STOX1: variants seen among roughly 807,000 people sequenced by gnomAD.
STOX1 encodes the protein storkhead box 1, also known as storkhead-box protein 1.
A neutral mutation model predicts 74.8 loss-of-function variants in STOX1; 57 were observed. The observed-to-expected ratio is 0.76, with a 90% CI of 0.62 to 0.95. The LOEUF is 0.95. STOX1 is among the 40% of genes least tolerant of loss of function. The probability of loss-of-function intolerance (pLI) is 0.00; values close to 1 mark genes in which losing one functional copy is unlikely to be tolerated. For synonymous variants in STOX1, 375 were observed against 401.3 expected, an observed-to-expected ratio of 0.93 and a Z score of 0.78; for missense variants, 1,010 against 1,117.0, an observed-to-expected ratio of 0.90 and a Z score of 1.37.
intron 1 of STOX1, among the ~76,000 whole-genome samples, chr10:68,854,343 G>A (rs992492750): frequency 2.0e-5 from 3 of 151,888 alleles, no homozygotes; most frequent in African/African-American, 7.3e-5. Context: ...CCAGGCTGGA[G>A]TCTATTGGTG....
At chr10:68,874,333 C>G (rs371695139) in intron 1 of STOX1, among the ~76,000 whole-genome samples, 4 of 152,094 alleles carry the variant, frequency 2.6e-5, no homozygotes, top group African/African-American at 9.7e-5. Context: ...GTTCTTTGTT[C>G]TAAATTTCTT....
Position 68,885,836 on chromosome 10 carries a change from T to A in STOX1, c.2040T>A (p.Pro680=). Residue 680 remains proline, a synonymous_variant, in exon 3 of 4, where the codon CCT becomes CCA. Coordinates refer to ENST00000298596, the MANE Select transcript of STOX1 (RefSeq NM_152709.5). ...GLLDYPVGVN[P]LRQAARQDKD... ...TGGATTACCCAGTTGGCGTGAACCC[T>A]TTAAGACAAGCTGCAAGACAAGACA... The A allele has an allele frequency of 6.2e-7, 1 of 1,614,004 alleles. No individual in the cohort carries two copies. Among genetic ancestry groups the A allele is most frequent in the Non-Finnish European group, 8.5e-7 (1 of 1,180,012 alleles).
intron 1 of STOX1, among the ~76,000 whole-genome samples, chr10:68,850,973 A>G (rs1289798927): frequency 6.6e-6 from 1 of 151,902 alleles, no homozygotes; most frequent in Non-Finnish European, 1.5e-5. Flanking sequence ...CCGTGTCTCA[A>G]GAAAAAAATT....
intron 1 of STOX1, among the ~76,000 whole-genome samples, chr10:68,854,421 C>T (rs933431206): frequency 5.3e-5 from 8 of 151,970 alleles, no homozygotes; most frequent in East Asian, 3.9e-4. Context: ...CTCAGCCTCC[C>T]GAGTAGCTGG....
chr10:68,840,915 G>A (rs1187636361), intron 1 of STOX1, among the ~76,000 whole-genome samples: 2 of 151,134 alleles, frequency 1.3e-5, no homozygotes, highest in African/African-American at 4.9e-5. Flanking sequence ...GTGTGTGTAC[G>A]TGCACACATG....
Position 68,884,468 on chromosome 10 carries a change from G to A in STOX1, c.672G>A (p.Met224Ile). Residue 224 changes from methionine (M) to isoleucine (I), a missense_variant, in exon 3 of 4, where the codon ATG becomes ATA. Transcript: ENST00000298596. ...CTTCCATGACATATCTGGTGAGCAT[G>A]GAGAGCTGTGCAGAGTCAGCCCAAG... Reference protein sequence around the residue: ...MPASMTYLVSMESCAESAQEN... With the variant: ...MPASMTYLVSIESCAESAQEN... The A allele has an allele frequency of 1.2e-6, 2 of 1,613,836 alleles. No homozygotes were observed. The highest frequency in any genetic ancestry group is 1.7e-6 in the Non-Finnish European group (2 of 1,180,012).
intron 1 of STOX1, among the ~76,000 whole-genome samples, chr10:68,832,657 G>A (rs1203790543): frequency 1.1e-5 from 1 of 88,204 alleles, no homozygotes; most frequent in Non-Finnish European, 2.5e-5. Context: ...GAGGGAAAAT[G>A]TCTTAAAAAA....
intron 1 of STOX1, among the ~76,000 whole-genome samples, chr10:68,851,580 C>T (rs1241141558): frequency 6.6e-6 from 1 of 152,198 alleles, no homozygotes; most frequent in African/African-American, 2.4e-5. Context: ...GTGGCTCACA[C>T]CTGTAATCCC....
intron 1 of STOX1, chr10:68,828,389 CCCGGGGGCTGCGGTTGGGCGGCCGGT>C (rs1839320920): frequency 2.5e-6 from 2 of 804,204 alleles, no homozygotes; most frequent in Non-Finnish European, 1.6e-6. Context: ...GCTCTGAGGG[CCCGGGGGCTGCGGTTGGGCGGCCGGT>C]CCGGGGGGCC....
intron 1 of STOX1, among the ~76,000 whole-genome samples, chr10:68,834,650 C>T (rs998625768): frequency 1.3e-5 from 2 of 152,224 alleles, no homozygotes; most frequent in African/African-American, 2.4e-5. Flanking sequence ...ACCATTACCC[C>T]AGAAAGTTCC....
rs1420969116 is a variant in STOX1, at chr10:68,852,842, A to G, written c.310+24909A>G. ...TAGGTTCATTTTGTATTGAAAGTGA[A>G]GTCAGACTTACTTGTCATAGGGAAG... On this transcript the variant is annotated intron_variant, in intron 1 of 3. Transcript: ENST00000298596. 2.0e-5 allele frequency among the ~76,000 whole-genome samples: 3 copies of G among 150,918 alleles called. 1 individual carries two copies. The highest frequency in any genetic ancestry group is 4.4e-5 in the Non-Finnish European group (3 of 68,038).
At position 68,852,248 on chromosome 10, in the gene STOX1, G is replaced by GATTTTTTTTTTTTTTTTTTTTTTTTTTT. The variant is rs200461358; in HGVS notation, c.310+24315_310+24316insATTTTTTTTTTTTTTTTTTTTTTTTTTT. Among the ~76,000 whole-genome samples the GATTTTTTTTTTTTTTTTTTTTTTTTTTT allele has an allele frequency of 1.5e-5, 2 of 132,210 alleles. 1 individual carries two copies. The highest frequency in any genetic ancestry group is 3.2e-5 in the Non-Finnish European group (2 of 62,218). The allele number at this position is 132,210 out of a possible 152,430, so 86.7% of individuals were successfully genotyped here. On this transcript the variant is annotated intron_variant, in intron 1 of 3. Coordinates refer to ENST00000298596, the MANE Select transcript of STOX1 (RefSeq NM_152709.5). ...TATGAGTTTAAGTTTTTCTCTTACT[G>GATTTTTTTTTTTTTTTTTTTTTTTTTTT]CTTTTTTTTTTTTTTTTTTTTGAGA...
chr10:68,874,013 C>CTTTTTTTTTTTTTTTTTTTTTT lies in STOX1; in HGVS notation c.311-7943_311-7922dup, dbSNP rs1160388935. On this transcript the variant is annotated intron_variant, in intron 1 of 3. Transcript: ENST00000298596. ...GAAAAATTGCAGATAGCTAGGTAGC[C>CTTTTTTTTTTTTTTTTTTTTTT]TTTTTTTTTTTTTTTTTTTTTTTGC... Among the ~76,000 whole-genome samples the CTTTTTTTTTTTTTTTTTTTTTT allele has an allele frequency of 1.9e-4, 5 of 25,752 alleles. 1 individual carries two copies. The highest frequency in any genetic ancestry group is 1.6e-3 in the Admixed American group (2 of 1,274). The allele number at this position is 25,752 out of a possible 152,430, so 16.9% of individuals were successfully genotyped here. A position where few individuals can be genotyped will look rare whatever the true frequency, so the allele number is the denominator to read the frequency against.
intron 1 of STOX1, among the ~76,000 whole-genome samples, chr10:68,879,611 AC>A (rs1840760907): frequency 6.6e-6 from 1 of 152,092 alleles, no homozygotes; most frequent in African/African-American, 2.4e-5. Flanking sequence ...TTTTAAGAAA[AC>A]CACAGCATCC....
chr10:68,828,324 C>A, intron 1 of STOX1: 1 of 1,126,928 alleles, frequency 8.9e-7, no homozygotes. Context: ...GAGCGCGGAG[C>A]TCCGCGCTGC....
intron 1 of STOX1, among the ~76,000 whole-genome samples, chr10:68,876,404 C>A (rs949639159): frequency 7.2e-5 from 11 of 152,028 alleles, no homozygotes; most frequent in African/African-American, 2.7e-4. Context: ...GATCCGCCCC[C>A]CTCAGCCTCT....
chr10:68,878,006 TAG>T (rs1432955273), intron 1 of STOX1, among the ~76,000 whole-genome samples: 4 of 152,130 alleles, frequency 2.6e-5, no homozygotes, highest in African/African-American at 9.7e-5. Context: ...TGGCTGTCCT[TAG>T]AAACAAGATA....
intron 1 of STOX1, among the ~76,000 whole-genome samples, chr10:68,836,555 A>G (rs1436987344): frequency 6.6e-6 from 1 of 152,158 alleles, no homozygotes; most frequent in East Asian, 1.9e-4. Context: ...TCACGTCCAC[A>G]GCCGTGTGTT....
intron 1 of STOX1, among the ~76,000 whole-genome samples, chr10:68,851,268 A>C (rs1196385159): frequency 1.3e-5 from 2 of 149,930 alleles, no homozygotes; most frequent in Non-Finnish European, 3.0e-5. Context: ...GTATCACTGC[A>C]CTCCAGCCTG....
Sources: allele counts gnomAD v4.1 joint callset (sites outside exome capture counted in the v4.1 genomes callset), GRCh38; gene constraint gnomAD v4.1.1; transcripts MANE v1.5; gene names NCBI Gene and HGNC (gene_info 2026-07-23, HGNC 2026-07-21).